Variants in PLCB1 observed in about 807,000 individuals in gnomAD.
PLCB1 encodes the protein phospholipase C beta 1, also known as 1-phosphatidylinositol 4,5-bisphosphate phosphodiesterase beta-1.
In PLCB1, 46 loss-of-function variants were observed where a neutral mutation model predicts 161.8. That is an observed-to-expected ratio of 0.28 (90% CI 0.22 to 0.36). The LOEUF is 0.36. PLCB1 is among the 10% of genes least tolerant of loss of function. PLCB1 has a pLI of 1.00. For missense variants in PLCB1, 1,016 were observed against 1,472.5 expected (o/e 0.69, Z 5.07); for synonymous variants, 517 against 503.7 (o/e 1.03, Z -0.35).
intron 2 of PLCB1, among the ~76,000 whole-genome samples, chr20:8,304,199 T>G (rs1320118882): frequency 6.6e-6 from 1 of 152,142 alleles, no homozygotes; most frequent in Non-Finnish European, 1.5e-5. Context: ...TTATGGAGAA[T>G]CTGTCTATTT....
chr20:8,856,488 C>T (rs1160678358), intron 31 of PLCB1, among the ~76,000 whole-genome samples: 3 of 151,956 alleles, frequency 2.0e-5, no homozygotes, highest in Non-Finnish European at 2.9e-5. Context: ...TGGGGGCACA[C>T]GCCTGTAGTT....
chr20:8,362,180 C>T (rs1568646481), intron 2 of PLCB1, among the ~76,000 whole-genome samples: 1 of 151,958 alleles, frequency 6.6e-6, no homozygotes, highest in African/African-American at 2.4e-5. Context: ...AAATAAAACA[C>T]GTGCTATAAA....
chr20:8,423,272 C>A (rs145978513), intron 3 of PLCB1, among the ~76,000 whole-genome samples: 4 of 152,228 alleles, frequency 2.6e-5, no homozygotes, highest in Non-Finnish European at 5.9e-5. Flanking sequence ...CACAATAGAT[C>A]ATAACACACT....
At chr20:8,635,026 G>T (rs550498781) in intron 4 of PLCB1, among the ~76,000 whole-genome samples, 1 of 151,662 alleles carries the variant, frequency 6.6e-6, no homozygotes, top group African/African-American at 2.4e-5. Flanking sequence ...TCCATCTCTC[G>T]CTCTATCTCA....
intron 31 of PLCB1, among the ~76,000 whole-genome samples, chr20:8,811,558 G>T (rs878904432): frequency 6.6e-6 from 1 of 152,020 alleles, no homozygotes; most frequent in Non-Finnish European, 1.5e-5. Context: ...TGGCAGAGTG[G>T]TTTTTCCCTC....
intron 2 of PLCB1, among the ~76,000 whole-genome samples, chr20:8,336,135 G>A (rs1171019957): frequency 1.3e-5 from 2 of 152,022 alleles, no homozygotes; most frequent in Non-Finnish European, 2.9e-5. Flanking sequence ...TGAATTCTGC[G>A]GTCAACAGAA....
At chr20:8,511,213 A>G (rs773219506) in intron 3 of PLCB1, among the ~76,000 whole-genome samples, 1 of 152,120 alleles carries the variant, frequency 6.6e-6, no homozygotes, top group African/African-American at 2.4e-5. Context: ...AAGTGAAATC[A>G]TAACAGTATT....
chr20:8,878,629 T>C (rs1600110688), intron 31 of PLCB1, among the ~76,000 whole-genome samples: 1 of 152,208 alleles, frequency 6.6e-6, no homozygotes, highest in Non-Finnish European at 1.5e-5. Flanking sequence ...GATTCATAAA[T>C]ACCCCACATT....
rs200524397 is a variant in PLCB1, at chr20:8,622,256, A to C, written c.247-6038A>C. 1.3e-3 allele frequency among the ~76,000 whole-genome samples: 133 copies of C among 105,926 alleles called. 1 individual carries two copies. Among genetic ancestry groups the C allele is most frequent in the Middle Eastern group, 8.4e-3 (2 of 238 alleles). The allele number at this position is 105,926 out of a possible 152,430, so 69.5% of individuals were successfully genotyped here. On this transcript the variant is annotated intron_variant, in intron 3 of 31. Transcript: ENST00000338037. ...TGACAGAGCAAGACTCTGCCTCAGG[A>C]AAAAAAAAAAAAAAGAATCTTAGTA...
chr20:8,667,716 G>T (rs941819468), intron 9 of PLCB1, among the ~76,000 whole-genome samples: 18 of 152,192 alleles, frequency 1.2e-4, no homozygotes, highest in Non-Finnish European at 2.2e-4. Flanking sequence ...AAAATCAAAT[G>T]CCAGTCCACA....
intron 3 of PLCB1, among the ~76,000 whole-genome samples, chr20:8,403,047 TATG>T (rs1934065881): frequency 6.6e-6 from 1 of 152,190 alleles, no homozygotes; most frequent in African/African-American, 2.4e-5. Flanking sequence ...CAGTGTTGTA[TATG>T]ATATCATTTT....
chr20:8,655,800 A>G (rs1190836637), intron 7 of PLCB1, among the ~76,000 whole-genome samples: 3 of 151,956 alleles, frequency 2.0e-5, no homozygotes, highest in Non-Finnish European at 4.4e-5. Context: ...GATTTTAAAT[A>G]TTTCTCTTCC....
chr20:8,476,102 T>C (rs1420529398), intron 3 of PLCB1, among the ~76,000 whole-genome samples: 1 of 152,198 alleles, frequency 6.6e-6, no homozygotes, highest in African/African-American at 2.4e-5. Context: ...ACCAAAACAC[T>C]GTGTCTTGGC....
chr20:8,669,226 G>A (rs1339348383), intron 9 of PLCB1, among the ~76,000 whole-genome samples: 5 of 152,150 alleles, frequency 3.3e-5, no homozygotes, highest in African/African-American at 9.7e-5. Context: ...AACTATGTGC[G>A]AGGGAAGCTT....
chr20:8,568,773 G>A (rs556944032), intron 3 of PLCB1, among the ~76,000 whole-genome samples: 3 of 152,152 alleles, frequency 2.0e-5, no homozygotes, highest in African/African-American at 7.2e-5. Context: ...CTCTTAAGGT[G>A]GATTCTCTAG....
chr20:8,179,622 C>A, intron 2 of PLCB1, among the ~76,000 whole-genome samples: 1 of 152,080 alleles, frequency 6.6e-6, no homozygotes, highest in Non-Finnish European at 1.5e-5. Flanking sequence ...TTTCTATCTG[C>A]ATGTCTTTTA....
intron 3 of PLCB1, among the ~76,000 whole-genome samples, chr20:8,556,520 C>T (rs1019504506): frequency 1.4e-4 from 21 of 151,860 alleles, no homozygotes; most frequent in Admixed American, 9.2e-4. Flanking sequence ...GATGCATATG[C>T]CCAGGATAGG....
intron 4 of PLCB1, among the ~76,000 whole-genome samples, chr20:8,629,817 T>TTTTCTTTCTTTTCTTTC (rs1555777956): frequency 1.2e-3 from 121 of 96,972 alleles, no homozygotes; most frequent in East Asian, 2.2e-3. Flanking sequence ...CTTTTCTTTC[T>TTTTCTTTCTTTTCTTTC]TTTCTTTCTT....
At chr20:8,875,656 T>G (rs926617778) in intron 31 of PLCB1, among the ~76,000 whole-genome samples, 2 of 151,634 alleles carry the variant, frequency 1.3e-5, no homozygotes, top group Non-Finnish European at 2.9e-5. Flanking sequence ...TGCAAATATC[T>G]GTCTGCACAT....
Sources: allele counts gnomAD v4.1 joint callset (sites outside exome capture counted in the v4.1 genomes callset), GRCh38; gene constraint gnomAD v4.1.1; transcripts MANE v1.5; gene names NCBI Gene and HGNC (gene_info 2026-07-23, HGNC 2026-07-21).